The following BARX2 variants were observed in gnomAD, a reference collection of about 807,000 sequenced individuals.
The protein encoded by BARX2 is homeobox protein BarH-like 2.
In BARX2, 11 loss-of-function variants were observed where a neutral mutation model predicts 25.5. That is an observed-to-expected ratio of 0.43 (90% CI 0.27 to 0.71). The LOEUF (loss-of-function observed/expected upper bound fraction) is 0.71, where lower values mean the gene tolerates loss of function less well. Ranked by LOEUF, BARX2 falls within the 30% of genes least tolerant of loss-of-function variation. The probability of loss-of-function intolerance (pLI) is 0.19; values close to 1 mark genes in which losing one functional copy is unlikely to be tolerated. For missense variants in BARX2, 360 were observed against 359.9 expected, an observed-to-expected ratio of 1.00 and a Z score of 0.00; for synonymous variants, 137 against 149.5, an observed-to-expected ratio of 0.92 and a Z score of 0.61.
At chr11:129,417,332 A>G (rs988623821) in intron 1 of BARX2, among the ~76,000 whole-genome samples, 1 of 152,158 alleles carries the variant, frequency 6.6e-6, no homozygotes, top group Non-Finnish European at 1.5e-5. Flanking sequence ...ACTCAGCTCC[A>G]TTCCCCAGGA....
intron 1 of BARX2, among the ~76,000 whole-genome samples, chr11:129,425,453 C>T (rs772311725): frequency 5.3e-5 from 8 of 152,146 alleles, no homozygotes; most frequent in Non-Finnish European, 1.0e-4. Context: ...ATATGGAAAA[C>T]AGCATGGCCG....
Position 129,376,204 on chromosome 11 carries a change from CCCCTGCATT to C in BARX2, c.172_180del (p.Leu58_Ser60del). 1 of 1,607,586 alleles carries C rather than the reference CCCCTGCATT, an allele frequency of 6.2e-7. No homozygotes were observed. Among genetic ancestry groups the C allele is most frequent in the South Asian group, 1.1e-5 (1 of 90,380 alleles). Reference sequence around the variant, plus strand: ...CCCGTCGCTGGTCGTGCGACCCAAGCCCCTGCATTCCTGTACGGGTAAGACGCTCCGCTA... The same window carrying C: ...CCCGTCGCTGGTCGTGCGACCCAAGCCCTGTACGGGTAAGACGCTCCGCTA... On this transcript the variant is annotated inframe_deletion, in exon 1 of 4. Coordinates refer to ENST00000281437, the MANE Select transcript of BARX2 (RefSeq NM_003658.5). The surrounding 1 kb of genome is among the most constrained non-coding windows in gnomAD (Gnocchi z 4.2).
In BARX2 at chr11:129,404,517, T is replaced by A. The variant is rs544942914; in HGVS notation, c.187+28295T>A. Reference sequence around the variant, plus strand: ...ATCTGCCCACTTCCTAAGTCCACTTTCAAATTGCTGGATAACCTTTAGTTT... The same window carrying A: ...ATCTGCCCACTTCCTAAGTCCACTTACAAATTGCTGGATAACCTTTAGTTT... On this transcript the variant is annotated intron_variant, in intron 1 of 3. Transcript: ENST00000281437. Among the ~76,000 whole-genome samples, 5 of 152,356 alleles carry A rather than the reference T, an allele frequency of 3.3e-5. No homozygotes were observed. The East Asian group carries it at 9.6e-4, about 29-fold the overall frequency.
chr11:129,415,604 T>C (rs759364413), intron 1 of BARX2, among the ~76,000 whole-genome samples: 2 of 152,214 alleles, frequency 1.3e-5, no homozygotes, highest in African/African-American at 2.4e-5. Context: ...ATTTTCCATA[T>C]CACAGAGCAC....
intron 1 of BARX2, among the ~76,000 whole-genome samples, chr11:129,387,002 C>T (rs1176337845): frequency 6.6e-6 from 1 of 152,180 alleles, no homozygotes; most frequent in African/African-American, 2.4e-5. Flanking sequence ...AGGACTGTGC[C>T]CAAACTGGAC....
At chr11:129,389,747 C>G (rs919869002) in intron 1 of BARX2, among the ~76,000 whole-genome samples, 1 of 142,932 alleles carries the variant, frequency 7.0e-6, no homozygotes, top group East Asian at 2.1e-4. Context: ...TGAAACTATT[C>G]TTTTTTTCTT....
chr11:129,376,096 C>A lies in BARX2; in HGVS notation c.61C>A (p.Arg21Ser), dbSNP rs1861500552. The change falls in exon 1 of 4, where the codon CGC (arginine) becomes AGC (serine). Residue 21 changes from arginine to serine, a missense_variant. Physicochemically the swap from Arg to Ser is moderately radical, Grantham distance 110 (BLOSUM62 -1). Transcript: ENST00000281437. The surrounding 1 kb of genome is among the most constrained non-coding windows in gnomAD (Gnocchi z 4.2). ...CGGCCAGCTCAAAGCAGCCAGGCGG[C>A]GCTACAAGACTTTCATGATCGACGA... is the stretch of plus-strand genomic sequence containing the variant. ...SPGQLKAARRRYKTFMIDEIL... is the reference protein window; with the variant it reads ...SPGQLKAARRSYKTFMIDEIL... 1.2e-6 allele frequency: 2 copies of A among 1,611,394 alleles called. No homozygotes were observed. Among genetic ancestry groups the A allele is most frequent in the Non-Finnish European group, 1.7e-6 (2 of 1,178,946 alleles).
intron 1 of BARX2, among the ~76,000 whole-genome samples, chr11:129,398,100 T>C (rs1295155123): frequency 6.6e-6 from 1 of 152,256 alleles, no homozygotes; most frequent in African/African-American, 2.4e-5. Flanking sequence ...AAAATGAACC[T>C]GTGTAAACTC....
chr11:129,443,630 TC>T (rs1862289814), intron 3 of BARX2, among the ~76,000 whole-genome samples: 1 of 152,222 alleles, frequency 6.6e-6, no homozygotes, highest in Non-Finnish European at 1.5e-5. Context: ...GTTTCCATCA[TC>T]CTGCTCTAGT....
chr11:129,451,318 T>C lies in BARX2; in HGVS notation c.756T>C (p.Arg252=), dbSNP rs759249365. The change falls in exon 4 of 4, where the codon CGT becomes CGC. Residue 252 remains arginine, a synonymous_variant. Transcript: ENST00000281437. The part of the protein sequence containing the change: ...ELCEAQEPKA[R]DVPLEMAEPP... ...GTGAAGCACAGGAACCGAAAGCACG[T>C]GATGTCCCCTTAGAGATGGCAGAGC... 1 of 1,614,044 alleles carries C rather than the reference T, an allele frequency of 6.2e-7. No individual in the cohort carries two copies. Among genetic ancestry groups the C allele is most frequent in the Non-Finnish European group, 8.5e-7 (1 of 1,180,006 alleles).
chr11:129,431,023 G>A (rs779727666), intron 1 of BARX2, among the ~76,000 whole-genome samples: 4 of 152,060 alleles, frequency 2.6e-5, no homozygotes, highest in Non-Finnish European at 5.9e-5. Flanking sequence ...CACCACGCCC[G>A]ACTAACTTTT....
chr11:129,419,700 C>T (rs1310815024), intron 1 of BARX2, among the ~76,000 whole-genome samples: 3 of 151,980 alleles, frequency 2.0e-5, no homozygotes, highest in Admixed American at 1.3e-4. Context: ...TGATTTAGGT[C>T]TTGTGGAGCC....
At chr11:129,389,384 C>G (rs1165710964) in intron 1 of BARX2, among the ~76,000 whole-genome samples, 2 of 152,126 alleles carry the variant, frequency 1.3e-5, no homozygotes, top group Non-Finnish European at 2.9e-5. Context: ...TTTTAAGACC[C>G]CTTGCAACCT....
At chr11:129,404,250 A>C (rs1861807018) in intron 1 of BARX2, among the ~76,000 whole-genome samples, 2 of 152,228 alleles carry the variant, frequency 1.3e-5, no homozygotes, top group African/African-American at 4.8e-5. Flanking sequence ...TGGAGAGGGC[A>C]GCGAGGGAGG....
chr11:129,383,423 A>G (rs1419120752), intron 1 of BARX2, among the ~76,000 whole-genome samples: 4 of 152,308 alleles, frequency 2.6e-5, no homozygotes, highest in South Asian at 2.1e-4. Context: ...TGAATCCTAC[A>G]TATGATTGCT....
In BARX2 at chr11:129,390,795, A is replaced by G. The variant is rs944933566; in HGVS notation, c.187+14573A>G. Among the ~76,000 whole-genome samples, 2 of 152,212 alleles carry G rather than the reference A, an allele frequency of 1.3e-5. No individual in the cohort carries two copies. The highest frequency in any genetic ancestry group is 2.9e-5 in the Non-Finnish European group (2 of 68,034). ...CAGCCACACAGGTAGCCCAATCATC[A>G]TATGTATTAATGGTGCATTCAAAAA... On this transcript the variant is annotated intron_variant, in intron 1 of 3. Coordinates refer to ENST00000281437, the MANE Select transcript of BARX2 (RefSeq NM_003658.5). The surrounding 1 kb of genome is among the most constrained non-coding windows in gnomAD (Gnocchi z 4.3).
At chr11:129,415,032 A>G (rs1349905785) in intron 1 of BARX2, among the ~76,000 whole-genome samples, 1 of 152,168 alleles carries the variant, frequency 6.6e-6, no homozygotes. Context: ...AGTACTGTTA[A>G]TTTATTTCAC....
intron 2 of BARX2, among the ~76,000 whole-genome samples, chr11:129,441,343 A>G (rs1813619538): frequency 6.6e-6 from 1 of 152,210 alleles, no homozygotes; most frequent in Admixed American, 6.5e-5. Flanking sequence ...AGAGGTCGGT[A>G]AAGGTTTTCT....
chr11:129,412,104 C>T (rs566736960), intron 1 of BARX2, among the ~76,000 whole-genome samples: 29 of 152,004 alleles, frequency 1.9e-4, no homozygotes, highest in Non-Finnish European at 4.1e-4. Flanking sequence ...AACCCCGTCT[C>T]TACTAAAAAC....
Sources: gnomAD v4.1 joint callset for allele counts (sites outside exome capture counted in the v4.1 genomes callset) on GRCh38, gnomAD v4.1.1 for gene constraint, Gnocchi (gnomAD v3.1) non-coding constraint, MANE v1.5 for transcripts, NCBI Gene and HGNC (gene_info 2026-07-23, HGNC 2026-07-21) for gene names.